The following VAT1L variants were observed in gnomAD, a reference collection of about 807,000 sequenced individuals.
VAT1L encodes the protein vesicle amine transport 1 like.
In VAT1L, 34 loss-of-function variants were observed where a neutral mutation model predicts 44.1. The ratio of observed to expected loss-of-function variants is 0.77; its 90% CI spans 0.59 to 1.03. VAT1L has a LOEUF of 1.03. Among genes scored for constraint, VAT1L ranks in the 50% least tolerant of loss-of-function variants. VAT1L has a pLI of 0.00. For missense variants in VAT1L, 615 were observed against 538.8 expected, an observed-to-expected ratio of 1.14 and a Z score of -1.40; for synonymous variants, 253 against 202.2, an observed-to-expected ratio of 1.25 and a Z score of -2.13.
chr16:77,860,059 G>A (rs912943169), intron 3 of VAT1L, among the ~76,000 whole-genome samples: 2 of 152,116 alleles, frequency 1.3e-5, no homozygotes, highest in Non-Finnish European at 2.9e-5. Flanking sequence ...GAGAGAAGAC[G>A]GCGTGGAGAG....
chr16:77,948,319 G>C (rs1189942615), intron 7 of VAT1L, among the ~76,000 whole-genome samples: 1 of 152,140 alleles, frequency 6.6e-6, no homozygotes, highest in Non-Finnish European at 1.5e-5. Flanking sequence ...TGATTGAAAG[G>C]GTACACTTGT....
chr16:77,793,278 A>AT (rs978800024), intron 1 of VAT1L, among the ~76,000 whole-genome samples: 11 of 151,616 alleles, frequency 7.3e-5, no homozygotes, highest in Non-Finnish European at 1.3e-4. Context: ...TGCCCAGCTA[A>AT]TTTTTTTTTA....
At chr16:77,830,410 A>G (rs1292808471) in intron 3 of VAT1L, among the ~76,000 whole-genome samples, 2 of 152,182 alleles carry the variant, frequency 1.3e-5, no homozygotes, top group Non-Finnish European at 2.9e-5. Context: ...ATGGTTTGAT[A>G]TGGTTTGTCT....
intron 1 of VAT1L, among the ~76,000 whole-genome samples, chr16:77,814,522 G>A (rs1451403354): frequency 6.6e-6 from 1 of 152,182 alleles, no homozygotes; most frequent in African/African-American, 2.4e-5. Flanking sequence ...AGGCAGCCCA[G>A]TTGAGCAGCG....
At chr16:77,881,838 T>A (rs2017158563) in intron 6 of VAT1L, among the ~76,000 whole-genome samples, 1 of 152,256 alleles carries the variant, frequency 6.6e-6, no homozygotes, top group Non-Finnish European at 1.5e-5. Context: ...GTAATTAACA[T>A]GATGTTGACA....
intron 7 of VAT1L, among the ~76,000 whole-genome samples, chr16:77,970,771 G>A (rs965985250): frequency 1.3e-5 from 2 of 152,208 alleles, no homozygotes; most frequent in Non-Finnish European, 2.9e-5. Flanking sequence ...TTTAATAGCT[G>A]TGTCAAGTTG....
At chr16:77,925,916 A>G (rs1343069291) in intron 7 of VAT1L, among the ~76,000 whole-genome samples, 2 of 152,046 alleles carry the variant, frequency 1.3e-5, no homozygotes. Flanking sequence ...TCCTTGAGTG[A>G]TCAATGGCAT....
rs556484344 is a variant in VAT1L at position 77,879,479 on chromosome 16, C to T, written c.882+255C>T. The stretch of plus-strand genomic sequence containing the variant: ...CTAATTTTTGTATTTGTAGTAGAGA[C>T]GGGGTTTCACCGTGTTGGCCAGGAT... On this transcript the variant is annotated intron_variant, in intron 6 of 8. Coordinates refer to ENST00000302536, the MANE Select transcript of VAT1L (RefSeq NM_020927.3). This position sits in a 1 kb window ranked among gnomAD's most constrained non-coding sequence, Gnocchi z 4.1. 1.4e-4 allele frequency among the ~76,000 whole-genome samples: 22 copies of T among 152,160 alleles called. No homozygotes were observed. The highest frequency in any genetic ancestry group is 7.7e-4 in the East Asian group (4 of 5,162).
chr16:77,932,917 C>A (rs1001143351), intron 7 of VAT1L, among the ~76,000 whole-genome samples: 1 of 152,316 alleles, frequency 6.6e-6, no homozygotes. Flanking sequence ...TGTTAGAACT[C>A]TACAGAAACA....
rs74029418 is a variant in VAT1L at position 77,811,952 on chromosome 16, G to T, written c.234-4969G>T. On this transcript the variant is annotated intron_variant, in intron 1 of 8. Coordinates refer to ENST00000302536, the MANE Select transcript of VAT1L (RefSeq NM_020927.3). Reference sequence around the variant, plus strand: ...ATAAAGGACCATCAAACAAACAGACGATGAGAGCTGGGGAAGGCTTCAGAG... The same window carrying T: ...ATAAAGGACCATCAAACAAACAGACTATGAGAGCTGGGGAAGGCTTCAGAG... 4.6e-5 allele frequency among the ~76,000 whole-genome samples: 7 copies of T among 152,258 alleles called. 1 individual carries two copies. The highest frequency in any genetic ancestry group is 1.7e-4 in the African/African-American group (7 of 41,552).
At chr16:77,835,045 G>GT (rs564919367) in intron 3 of VAT1L, among the ~76,000 whole-genome samples, 54 of 152,146 alleles carry the variant, frequency 3.5e-4, no homozygotes, top group Non-Finnish European at 5.9e-4. Context: ...GTTTGCTTTT[G>GT]TTTTTTTAAT....
intron 7 of VAT1L, among the ~76,000 whole-genome samples, chr16:77,894,193 C>T (rs781563217): frequency 5.3e-5 from 8 of 152,180 alleles, no homozygotes; most frequent in East Asian, 1.9e-4. Context: ...GTGAATCCTT[C>T]GTCCTTGGGC....
intron 3 of VAT1L, among the ~76,000 whole-genome samples, chr16:77,839,669 T>C (rs1341195948): frequency 2.1e-5 from 3 of 142,028 alleles, no homozygotes; most frequent in Non-Finnish European, 3.0e-5. Context: ...AGTGATTGGG[T>C]GGTACACAAC....
intron 7 of VAT1L, among the ~76,000 whole-genome samples, chr16:77,928,320 C>T (rs757602161): frequency 6.6e-6 from 1 of 152,182 alleles, no homozygotes; most frequent in Non-Finnish European, 1.5e-5. Context: ...TTGCTTAACA[C>T]ACTTGTAAAA....
chr16:77,868,588 G>A (rs1412904897), intron 4 of VAT1L, among the ~76,000 whole-genome samples: 5 of 152,172 alleles, frequency 3.3e-5, no homozygotes, highest in South Asian at 2.1e-4. Context: ...TAGACGTGAC[G>A]GGACTCAGTT....
intron 4 of VAT1L, among the ~76,000 whole-genome samples, chr16:77,869,840 C>G (rs940688836): frequency 6.6e-6 from 1 of 152,200 alleles, no homozygotes; most frequent in Admixed American, 6.5e-5. Context: ...GTTAAAATGA[C>G]TTGAATCTTG....
rs1202851236 is a variant in VAT1L at position 77,879,234 on chromosome 16, C to T, written c.882+10C>T. The T allele has an allele frequency of 1.2e-6, 2 of 1,613,510 alleles. No homozygotes were observed. The highest frequency in any genetic ancestry group is 1.3e-5 in the African/African-American group (1 of 75,052). On this transcript the variant is annotated intron_variant, in intron 6 of 8. Coordinates refer to ENST00000302536, the MANE Select transcript of VAT1L (RefSeq NM_020927.3). This position sits in a 1 kb window ranked among gnomAD's most constrained non-coding sequence, Gnocchi z 4.1. ...CAGCTTTGCAAAATCAGTAAGTATCCAGGCACATCTGATGTACTGTGGTGG... is the reference window on the plus strand; with the variant it reads ...CAGCTTTGCAAAATCAGTAAGTATCTAGGCACATCTGATGTACTGTGGTGG...
At chr16:77,892,523 A>ACTT in intron 7 of VAT1L, 1 of 568,090 alleles carries the variant, frequency 1.8e-6, no homozygotes, top group South Asian at 1.4e-5. Context: ...GACAGCAGAA[A>ACTT]AATTTCGTGC....
At chr16:77,971,746 G>C (rs2142544935) in intron 7 of VAT1L, 104 bp from the exon 8 acceptor site, 1 of 1,223,968 alleles carries the variant, frequency 8.2e-7, no homozygotes, top group Admixed American at 2.3e-5. Flanking sequence ...TTGAGCCGCA[G>C]CGCCCTCTGG....
Sources: gnomAD v4.1 joint callset for allele counts (sites outside exome capture counted in the v4.1 genomes callset) on GRCh38, gnomAD v4.1.1 for gene constraint, Gnocchi (gnomAD v3.1) non-coding constraint, MANE v1.5 for transcripts, NCBI Gene and HGNC (gene_info 2026-07-23, HGNC 2026-07-21) for gene names.